Variants in ATRNL1 observed in about 807,000 individuals in gnomAD.
ATRNL1 encodes attractin like 1.
A neutral mutation model predicts 182.7 loss-of-function variants in ATRNL1; 95 were observed. The ratio of observed to expected loss-of-function variants is 0.52; its 90% CI spans 0.44 to 0.62. The LOEUF is 0.62. ATRNL1 is among the 20% of genes least tolerant of loss of function. The pLI, the probability that ATRNL1 is intolerant of heterozygous loss-of-function variation, is 0.00. For synonymous variants in ATRNL1, 576 were observed against 568.3 expected, an observed-to-expected ratio of 1.01 and a Z score of -0.19; for missense variants, 1,471 against 1,679.5, an observed-to-expected ratio of 0.88 and a Z score of 2.17.
At chr10:115,856,901 C>T (rs1951202513) in intron 28 of ATRNL1, among the ~76,000 whole-genome samples, 1 of 152,022 alleles carries the variant, frequency 6.6e-6, no homozygotes, top group Admixed American at 6.6e-5. Context: ...GAGGTATATG[C>T]AGTTGACCCT....
chr10:115,525,220 T>C (rs1369509894), intron 25 of ATRNL1, among the ~76,000 whole-genome samples: 1 of 152,228 alleles, frequency 6.6e-6, no homozygotes, highest in Admixed American at 6.5e-5. Context: ...AGTACCACTG[T>C]TGGCTGCCCA....
intron 10 of ATRNL1, among the ~76,000 whole-genome samples, chr10:115,262,696 AAAG>A (rs1851441737): frequency 6.6e-6 from 1 of 152,056 alleles, no homozygotes; most frequent in Non-Finnish European, 1.5e-5. Flanking sequence ...TTATTAAGAA[AAAG>A]ACAAAAAGCA....
intron 27 of ATRNL1, among the ~76,000 whole-genome samples, chr10:115,753,523 G>T (rs1948506484): frequency 6.6e-6 from 1 of 152,144 alleles, no homozygotes. Flanking sequence ...TTTAATGGCT[G>T]CATAGTATTC....
chr10:115,128,067 A>C (rs1659489916), intron 4 of ATRNL1, among the ~76,000 whole-genome samples: 1 of 152,184 alleles, frequency 6.6e-6, no homozygotes, highest in African/African-American at 2.4e-5. Context: ...AAGGTATATC[A>C]CTTGTAATTT....
At chr10:115,316,365 GC>G (rs1304983698) in intron 18 of ATRNL1, among the ~76,000 whole-genome samples, 1 of 152,084 alleles carries the variant, frequency 6.6e-6, no homozygotes, top group Admixed American at 6.6e-5. Flanking sequence ...TCATTAATGG[GC>G]GCTTGGGTTG....
At chr10:115,858,174 A>G (rs1951229133) in intron 28 of ATRNL1, among the ~76,000 whole-genome samples, 1 of 152,228 alleles carries the variant, frequency 6.6e-6, no homozygotes. Flanking sequence ...CATTTAACCC[A>G]GCAATCCCAT....
At chr10:115,498,513 C>T (rs557434186) in intron 24 of ATRNL1, among the ~76,000 whole-genome samples, 33 of 152,120 alleles carry the variant, frequency 2.2e-4, no homozygotes, top group Non-Finnish European at 4.0e-4. Flanking sequence ...CAGGGAAAGA[C>T]ATCAGCAATT....
At chr10:115,155,759 A>G (rs1282639493) in intron 5 of ATRNL1, among the ~76,000 whole-genome samples, 2 of 152,192 alleles carry the variant, frequency 1.3e-5, no homozygotes, top group Admixed American at 6.5e-5. Flanking sequence ...TGATAGGAGT[A>G]GAATTATGTT....
At chr10:115,485,573 G>T (rs1038369053) in intron 24 of ATRNL1, among the ~76,000 whole-genome samples, 4 of 151,968 alleles carry the variant, frequency 2.6e-5, no homozygotes, top group African/African-American at 9.7e-5. Flanking sequence ...CAATAAATCT[G>T]TTAAGTGTAT....
chr10:115,779,486 T>TA (rs1333350757), intron 27 of ATRNL1, among the ~76,000 whole-genome samples: 1 of 152,200 alleles, frequency 6.6e-6, no homozygotes, highest in African/African-American at 2.4e-5. Flanking sequence ...TAGTGGATCT[T>TA]AAGCCAAACA....
At chr10:115,252,809 C>T (rs979405044) in intron 10 of ATRNL1, among the ~76,000 whole-genome samples, 3 of 152,150 alleles carry the variant, frequency 2.0e-5, no homozygotes, top group African/African-American at 7.2e-5. Context: ...ACATGCAATT[C>T]TAGTATCTTA....
Position 115,268,442 on chromosome 10 carries a change from A to C in ATRNL1, c.2098A>C (p.Met700Leu). 1 of 1,582,998 alleles carries C rather than the reference A, an allele frequency of 6.3e-7. No homozygotes were observed. Among genetic ancestry groups the C allele is most frequent in the East Asian group, 2.2e-5 (1 of 44,696 alleles). Residue 700 changes from methionine to leucine, a missense_variant and splice_region_variant, in exon 13 of 29, where the codon ATG becomes CTG. Coordinates refer to ENST00000355044, the MANE Select transcript of ATRNL1 (RefSeq NM_207303.4). ...KCISANSNCS[M>L]SVKNYTKCHV... ...CATTTCGGCAAATAGTAACTGCAGT[A>C]TGGTTAGTATTTATGGGTAAATGGT...
intron 26 of ATRNL1, among the ~76,000 whole-genome samples, chr10:115,639,968 C>T (rs569399624): frequency 3.0e-4 from 46 of 152,164 alleles, no homozygotes; most frequent in Non-Finnish European, 5.9e-4. Flanking sequence ...CTCTCCCTCC[C>T]CTGGCCCCCT....
chr10:115,508,446 G>A (rs1198312390), intron 24 of ATRNL1, among the ~76,000 whole-genome samples: 3 of 152,038 alleles, frequency 2.0e-5, no homozygotes, highest in Non-Finnish European at 2.9e-5. Flanking sequence ...AGTGAGGAGG[G>A]CATGTTGAAT....
chr10:115,797,829 A>G (rs1949691581), intron 27 of ATRNL1, among the ~76,000 whole-genome samples: 1 of 152,186 alleles, frequency 6.6e-6, no homozygotes, highest in Admixed American at 6.5e-5. Context: ...CTGGGCTGAG[A>G]TGTTGCAGGC....
intron 10 of ATRNL1, 96 bp downstream of exon 10, chr10:115,241,821 AT>A: frequency 9.9e-7 from 1 of 1,010,802 alleles, no homozygotes; most frequent in Middle Eastern, 2.3e-4. Context: ...TGTATATGTC[AT>A]TTTAGAGTTA....
intron 26 of ATRNL1, among the ~76,000 whole-genome samples, chr10:115,559,443 T>TGTGCGCAC (rs200694810): frequency 2.6e-5 from 2 of 77,788 alleles, no homozygotes; most frequent in African/African-American, 5.0e-5. Context: ...TGTGTGTGTG[T>TGTGCGCAC]GCGCGCGCGC....
intron 18 of ATRNL1, among the ~76,000 whole-genome samples, chr10:115,329,545 T>C (rs1190202854): frequency 6.6e-6 from 1 of 152,116 alleles, no homozygotes; most frequent in Non-Finnish European, 1.5e-5. Context: ...AATGTTTGCT[T>C]TCTATATTAA....
intron 19 of ATRNL1, among the ~76,000 whole-genome samples, chr10:115,375,427 C>T (rs943619080): frequency 6.6e-6 from 1 of 151,910 alleles, no homozygotes; most frequent in African/African-American, 2.4e-5. Context: ...GTTAGCTAAT[C>T]TGTGTCTTTT....
Sources: gnomAD v4.1 joint callset for allele counts (sites outside exome capture counted in the v4.1 genomes callset) on GRCh38, gnomAD v4.1.1 for gene constraint, MANE v1.5 for transcripts, NCBI Gene and HGNC (gene_info 2026-07-23, HGNC 2026-07-21) for gene names.